GTF2F2: variants seen among roughly 807,000 people sequenced by gnomAD.
GTF2F2 encodes ATP-dependent helicase GTF2F2.
Under a neutral mutation model 42.2 loss-of-function variants are expected in GTF2F2, and 23 were observed. That is an observed-to-expected ratio of 0.55 (90% CI 0.39 to 0.77). The LOEUF (loss-of-function observed/expected upper bound fraction) is 0.77. Ranked by LOEUF, GTF2F2 falls within the 30% of genes least tolerant of loss-of-function variation. The pLI is 0.00. For missense variants in GTF2F2, 261 were observed against 287.2 expected (o/e 0.91, Z 0.66); for synonymous variants, 105 against 100.8 (o/e 1.04, Z -0.25).
chr13:45,221,327 A>G (rs945484996), intron 5 of GTF2F2, among the ~76,000 whole-genome samples: 1 of 152,152 alleles, frequency 6.6e-6, no homozygotes, highest in African/African-American at 2.4e-5. Context: ...ACACTATTCT[A>G]AGCTGCCATT....
At chr13:45,178,439 T>G (rs1871988385) in intron 4 of GTF2F2, among the ~76,000 whole-genome samples, 1 of 151,560 alleles carries the variant, frequency 6.6e-6, no homozygotes, top group African/African-American at 2.4e-5. Context: ...TTTTTTTTTT[T>G]TAATCACAGT....
At chr13:45,135,293 T>A (rs1869560388) in intron 1 of GTF2F2, among the ~76,000 whole-genome samples, 1 of 151,984 alleles carries the variant, frequency 6.6e-6, no homozygotes, top group Admixed American at 6.6e-5. Context: ...ACTTTATTTA[T>A]TTTTTTGAGA....
intron 4 of GTF2F2, among the ~76,000 whole-genome samples, chr13:45,174,856 T>C (rs563568244): frequency 3.3e-5 from 5 of 152,296 alleles, no homozygotes. Flanking sequence ...TATACATTTA[T>C]GGTACAGTAT....
chr13:45,273,336 G>T (rs1876883335), intron 7 of GTF2F2, among the ~76,000 whole-genome samples: 1 of 152,038 alleles, frequency 6.6e-6, no homozygotes, highest in South Asian at 2.1e-4. Context: ...TCAGCCTCCA[G>T]AAGTGCTGAG....
At chr13:45,269,361 G>A (rs1382926945) in intron 7 of GTF2F2, among the ~76,000 whole-genome samples, 1 of 152,212 alleles carries the variant, frequency 6.6e-6, no homozygotes, top group East Asian at 1.9e-4. Flanking sequence ...AAGAGCCAGT[G>A]CCAAGAAAGT....
chr13:45,271,333 T>C (rs1016480341), intron 7 of GTF2F2, among the ~76,000 whole-genome samples: 1 of 152,042 alleles, frequency 6.6e-6, no homozygotes, highest in Non-Finnish European at 1.5e-5. Context: ...TTAATTTCCT[T>C]TTGCACCACC....
chr13:45,131,120 A>C (rs1174150988), intron 1 of GTF2F2, among the ~76,000 whole-genome samples: 2 of 151,966 alleles, frequency 1.3e-5, no homozygotes, highest in Non-Finnish European at 2.9e-5. Flanking sequence ...AGGCAGGAGA[A>C]TCGCTTGAAC....
At chr13:45,228,827 C>T (rs556253372) in intron 5 of GTF2F2, among the ~76,000 whole-genome samples, 16 of 152,142 alleles carry the variant, frequency 1.1e-4, no homozygotes, top group Non-Finnish European at 1.8e-4. Context: ...TGCGCCACCA[C>T]GCCCAGCTAA....
chr13:45,186,710 A>G (rs1180105340), intron 4 of GTF2F2, among the ~76,000 whole-genome samples: 1 of 152,246 alleles, frequency 6.6e-6, no homozygotes, highest in Non-Finnish European at 1.5e-5. Context: ...TAAGTGATAG[A>G]AGATAAATCA....
At chr13:45,180,716 T>A (rs921365620) in intron 4 of GTF2F2, among the ~76,000 whole-genome samples, 1 of 152,158 alleles carries the variant, frequency 6.6e-6, no homozygotes, top group East Asian at 1.9e-4. Flanking sequence ...CCAATAAAAA[T>A]TTATTTAATT....
At chr13:45,256,022 A>G (rs1028668263) in intron 6 of GTF2F2, among the ~76,000 whole-genome samples, 2 of 152,230 alleles carry the variant, frequency 1.3e-5, no homozygotes, top group Admixed American at 1.3e-4. Flanking sequence ...GCTTCTCTCT[A>G]TTATTTAAGA....
intron 5 of GTF2F2, among the ~76,000 whole-genome samples, chr13:45,240,267 G>A (rs1057449519): frequency 6.6e-6 from 1 of 152,022 alleles, no homozygotes; most frequent in Non-Finnish European, 1.5e-5. Context: ...TCATAAGACT[G>A]TAGTCTTGAT....
chr13:45,160,148 C>T (rs924637937), intron 4 of GTF2F2, among the ~76,000 whole-genome samples: 6 of 152,076 alleles, frequency 3.9e-5, no homozygotes, highest in African/African-American at 1.2e-4. Context: ...ATTTAAAAAT[C>T]GATTTTCCAA....
chr13:45,206,802 T>C (rs1391382022), intron 4 of GTF2F2: 1 of 152,148 alleles, frequency 6.6e-6, no homozygotes, highest in African/African-American at 2.4e-5. Flanking sequence ...TGCCTTTCTG[T>C]TTGGACAAAT....
At chr13:45,253,003 T>C (rs1450007920) in intron 6 of GTF2F2, 33 bp downstream of exon 6, 1 of 866,608 alleles carries the variant, frequency 1.2e-6, no homozygotes, top group Non-Finnish European at 1.8e-6. Flanking sequence ...TTCATTCTTT[T>C]ATATCTTCAT....
chr13:45,180,942 A>C (rs894389120), intron 4 of GTF2F2, among the ~76,000 whole-genome samples: 45 of 151,412 alleles, frequency 3.0e-4, no homozygotes, highest in African/African-American at 1.1e-3. Flanking sequence ...CAGGAGGATC[A>C]CTTGAGCCCA....
At chr13:45,228,849 T>C (rs1874518961) in intron 5 of GTF2F2, among the ~76,000 whole-genome samples, 1 of 151,976 alleles carries the variant, frequency 6.6e-6, no homozygotes, top group African/African-American at 2.4e-5. Context: ...TTTGTATTTT[T>C]AGTAGAGACA....
At chr13:45,167,630 C>T (rs779780588) in intron 4 of GTF2F2, among the ~76,000 whole-genome samples, 5 of 152,074 alleles carry the variant, frequency 3.3e-5, no homozygotes, top group Admixed American at 1.3e-4. Flanking sequence ...GATCTCTTGA[C>T]GTCGTGATCT....
chr13:45,177,127 A>G (rs1871919191), intron 4 of GTF2F2, among the ~76,000 whole-genome samples: 1 of 152,138 alleles, frequency 6.6e-6, no homozygotes, highest in South Asian at 2.1e-4. Flanking sequence ...ATAGGGGTCA[A>G]ATTGTATTTT....
Sources: allele counts gnomAD v4.1 joint callset (sites outside exome capture counted in the v4.1 genomes callset), GRCh38; gene constraint gnomAD v4.1.1; transcripts MANE v1.5; gene names NCBI Gene and HGNC (gene_info 2026-07-23, HGNC 2026-07-21).